LPP: variants seen among roughly 807,000 people sequenced by gnomAD.
LPP encodes the protein LIM domain containing preferred translocation partner in lipoma.
Under a neutral mutation model 60.4 loss-of-function variants are expected in LPP, and 38 were observed. The observed-to-expected ratio is 0.63, with a 90% CI of 0.49 to 0.83. LPP has a LOEUF of 0.83. Among genes scored for constraint, LPP ranks in the 40% least tolerant of loss-of-function variants. The pLI, the probability that LPP is intolerant of heterozygous loss-of-function variation, is 0.00. For missense variants in LPP, 902 were observed against 783.6 expected, an observed-to-expected ratio of 1.15 and a Z score of -1.80; for synonymous variants, 328 against 290.8, an observed-to-expected ratio of 1.13 and a Z score of -1.30.
chr3:188,771,114 G>A (rs1317321643), intron 9 of LPP, among the ~76,000 whole-genome samples: 1 of 151,772 alleles, frequency 6.6e-6, no homozygotes, highest in Non-Finnish European at 1.5e-5. Context: ...CTATTATATT[G>A]TAGAATTCAC....
chr3:188,640,028 A>T (rs1395189343), intron 7 of LPP, among the ~76,000 whole-genome samples: 1 of 152,122 alleles, frequency 6.6e-6, no homozygotes, highest in Admixed American at 6.6e-5. Flanking sequence ...GTATATACCC[A>T]AAGGACTACA....
At chr3:188,526,248 A>G (rs186125420) in intron 6 of LPP, among the ~76,000 whole-genome samples, 1 of 151,870 alleles carries the variant, frequency 6.6e-6, no homozygotes, top group Admixed American at 6.6e-5. Flanking sequence ...GCTGTCAGTT[A>G]TTTCAATACT....
intron 2 of LPP, among the ~76,000 whole-genome samples, chr3:188,292,369 G>GT: frequency 6.6e-6 from 1 of 152,306 alleles, no homozygotes; most frequent in South Asian, 2.1e-4. Flanking sequence ...AACTTAATCT[G>GT]TTTCATGAGT....
chr3:188,725,620 T>A (rs933680411), intron 8 of LPP: 1 of 152,242 alleles, frequency 6.6e-6, no homozygotes, highest in African/African-American at 2.4e-5. Flanking sequence ...AAATATATGT[T>A]GTTCTTTGTT....
chr3:188,537,357 G>A (rs1012412821), intron 6 of LPP, among the ~76,000 whole-genome samples: 1 of 152,158 alleles, frequency 6.6e-6, no homozygotes, highest in Non-Finnish European at 1.5e-5. Context: ...AGAAACAATA[G>A]ATTTTATGAC....
intron 4 of LPP, among the ~76,000 whole-genome samples, chr3:188,466,020 C>T (rs1455037312): frequency 6.6e-6 from 1 of 152,064 alleles, no homozygotes; most frequent in Non-Finnish European, 1.5e-5. Flanking sequence ...TTAGGGATTC[C>T]TGGCAGGGCA....
chr3:188,521,102 G>GA (rs1402538840), intron 5 of LPP, among the ~76,000 whole-genome samples: 1 of 151,830 alleles, frequency 6.6e-6, no homozygotes, highest in Admixed American at 6.6e-5. Flanking sequence ...ACTCAAGAGT[G>GA]AAAAAAAGGC....
intron 4 of LPP, among the ~76,000 whole-genome samples, chr3:188,447,561 G>A (rs1245173555): frequency 1.4e-5 from 2 of 144,894 alleles, no homozygotes; most frequent in Admixed American, 7.1e-5. Context: ...AGTGAGCAGA[G>A]ATTACACCAT....
chr3:188,300,754 T>C (rs1212225957), intron 2 of LPP, among the ~76,000 whole-genome samples: 2 of 152,178 alleles, frequency 1.3e-5, no homozygotes, highest in African/African-American at 4.8e-5. Flanking sequence ...AGACTTTTTA[T>C]TTTCTCTTCA....
chr3:188,167,595 T>G (rs1720392419), intron 1 of LPP, among the ~76,000 whole-genome samples: 1 of 151,580 alleles, frequency 6.6e-6, no homozygotes, highest in Admixed American at 6.6e-5. Flanking sequence ...GTGTTGTTTT[T>G]TTTTTTTTTT....
intron 7 of LPP, among the ~76,000 whole-genome samples, chr3:188,660,636 C>T (rs897989134): frequency 1.9e-4 from 20 of 105,748 alleles, no homozygotes; most frequent in African/African-American, 6.3e-4. Context: ...AAATGGTTTT[C>T]CAAAGATCTG....
intron 2 of LPP, among the ~76,000 whole-genome samples, chr3:188,271,878 G>A (rs1036730778): frequency 2.0e-5 from 3 of 152,104 alleles, no homozygotes; most frequent in East Asian, 1.9e-4. Context: ...CAATGGCTCC[G>A]AGAAGGCCAT....
At chr3:188,754,974 G>C (rs1729660885) in intron 8 of LPP, among the ~76,000 whole-genome samples, 1 of 152,146 alleles carries the variant, frequency 6.6e-6, no homozygotes, top group African/African-American at 2.4e-5. Flanking sequence ...CCATATGTAG[G>C]ATAAACTGGA....
chr3:188,324,712 G>A (rs929700522), intron 2 of LPP, among the ~76,000 whole-genome samples: 2 of 152,050 alleles, frequency 1.3e-5, no homozygotes, highest in African/African-American at 4.8e-5. Context: ...TCCCCTTGTG[G>A]CCTTTTTCCA....
At chr3:188,845,790 G>A (rs970567402) in intron 9 of LPP, among the ~76,000 whole-genome samples, 7 of 152,162 alleles carry the variant, frequency 4.6e-5, no homozygotes, top group African/African-American at 1.7e-4. Context: ...TCACAAACAA[G>A]CTGAAGGAGA....
chr3:188,375,672 A>G (rs974968104), intron 3 of LPP, among the ~76,000 whole-genome samples: 1 of 151,938 alleles, frequency 6.6e-6, no homozygotes, highest in African/African-American at 2.4e-5. Flanking sequence ...GGATTCATTA[A>G]TTTTTTGAAG....
intron 7 of LPP, among the ~76,000 whole-genome samples, chr3:188,689,972 A>G (rs79671305): frequency 1.3e-5 from 2 of 151,956 alleles, no homozygotes; most frequent in South Asian, 2.1e-4. Context: ...GGGATTTTTA[A>G]GTTGAATATC....
intron 1 of LPP, among the ~76,000 whole-genome samples, chr3:188,188,980 A>G (rs1284983944): frequency 6.6e-6 from 1 of 152,232 alleles, no homozygotes; most frequent in East Asian, 1.9e-4. Flanking sequence ...AATGACTCAC[A>G]GTCTAATTAT....
At chr3:188,385,582 T>C (rs557633873) in intron 3 of LPP, among the ~76,000 whole-genome samples, 22 of 152,240 alleles carry the variant, frequency 1.4e-4, no homozygotes, top group Non-Finnish European at 2.9e-4. Context: ...TATGGAAAGC[T>C]ATCTAAAATA....
Sources: gnomAD v4.1 joint callset for allele counts (sites outside exome capture counted in the v4.1 genomes callset) on GRCh38, gnomAD v4.1.1 for gene constraint, MANE v1.5 for transcripts, NCBI Gene and HGNC (gene_info 2026-07-23, HGNC 2026-07-21) for gene names.